Variants in PELO observed in about 807,000 individuals in gnomAD.
The protein encoded by PELO is pelota mRNA surveillance and ribosome rescue factor.
Under a neutral mutation model 25.9 loss-of-function variants are expected in PELO, and 19 were observed. That is an observed-to-expected ratio of 0.73 (90% CI 0.51 to 1.08). The LOEUF is 1.08. PELO is among the 50% of genes least tolerant of loss of function. The pLI is 0.00. For synonymous variants in PELO, 196 were observed against 192.2 expected (o/e 1.02, Z -0.16); for missense variants, 498 against 491.4 (o/e 1.01, Z -0.13).
In PELO at chr5:52,801,663, C is replaced by T. The variant is rs1312606991; in HGVS notation, c.981C>T (p.Ser327=). ...LFRHQDVATR[S]RYVRLVDSVK... is the part of the protein sequence containing the mutation. Reference sequence around the variant, plus strand: ...GGCATCAGGATGTAGCCACACGGAGCCGGTATGTGAGGCTGGTGGACAGTG... The same window carrying T: ...GGCATCAGGATGTAGCCACACGGAGTCGGTATGTGAGGCTGGTGGACAGTG... Residue 327 remains serine (S), a synonymous_variant, in exon 3 of 3, where the codon AGC becomes AGT. Coordinates refer to ENST00000274311, the MANE Select transcript of PELO (RefSeq NM_015946.5). 5.6e-6 allele frequency: 9 copies of T among 1,614,098 alleles called. No individual in the cohort carries two copies. Among genetic ancestry groups the T allele is most frequent in the Non-Finnish European group, 7.6e-6 (9 of 1,180,010 alleles).
intron 1 of PELO, among the ~76,000 whole-genome samples, chr5:52,789,153 T>A (rs1385600391): frequency 6.6e-6 from 1 of 152,170 alleles, no homozygotes; most frequent in Non-Finnish European, 1.5e-5. Flanking sequence ...GCTTGAAATA[T>A]AGCATTTTGT....
intron 1 of PELO, among the ~76,000 whole-genome samples, chr5:52,792,404 G>A (rs1323874066): frequency 2.6e-5 from 4 of 152,166 alleles, no homozygotes; most frequent in African/African-American, 9.7e-5. Context: ...AGGCAGCAAT[G>A]AATTCACGGG....
At position 52,802,220 on chromosome 5, in the gene PELO, A is replaced by G. The variant is rs1162010142; in HGVS notation, c.*380A>G. 6.0e-6 allele frequency: 1 copy of G among 165,542 alleles called. No individual in the cohort carries two copies. The highest frequency in any genetic ancestry group is 5.9e-5 in the Admixed American group (1 of 16,966). 10.3% of individuals were successfully genotyped at this position (165,542 alleles called of 1,614,324 possible). ...GTTTTCCTTAGAAAAAGCTTTTGCTATCTTATCCTGTTTACATTATTTCTT... is the reference window on the plus strand; with the variant it reads ...GTTTTCCTTAGAAAAAGCTTTTGCTGTCTTATCCTGTTTACATTATTTCTT... On this transcript the variant is annotated 3_prime_UTR_variant, in exon 3 of 3. Transcript: ENST00000274311.
Position 52,801,879 on chromosome 5 carries a change from A to T in PELO, c.*39A>T. The stretch of plus-strand genomic sequence containing the variant: ...AAATTGAGACAATCTTGTGTTTCCT[A>T]AACTGTTACAGTACATTTCTCAGCA... On this transcript the variant is annotated 3_prime_UTR_variant, in exon 3 of 3. Transcript: ENST00000274311. The T allele has an allele frequency of 6.9e-7, 1 of 1,445,776 alleles. No homozygotes were observed. The highest frequency in any genetic ancestry group is 1.4e-5 in the African/African-American group (1 of 71,498). 89.6% of individuals were successfully genotyped at this position (1,445,776 alleles called of 1,614,324 possible).
At chr5:52,793,063 T>C (rs1748272615) in intron 1 of PELO, among the ~76,000 whole-genome samples, 1 of 152,106 alleles carries the variant, frequency 6.6e-6, no homozygotes, top group Non-Finnish European at 1.5e-5. Context: ...TCTCAATCCC[T>C]GAATAAACGT....
In PELO at chr5:52,799,923, G is replaced by A; in HGVS notation, c.-472G>A. 5.9e-6 allele frequency: 1 copy of A among 169,086 alleles called. No individual in the cohort carries two copies. The highest frequency in any genetic ancestry group is 1.2e-4 in the South Asian group (1 of 8,054). 10.5% of individuals were successfully genotyped at this position (169,086 alleles called of 1,614,324 possible). On this transcript the variant is annotated 5_prime_UTR_variant, in exon 2 of 3. Transcript: ENST00000274311. ...AGAAAACTTAGGAAGTTGAAGTTTG[G>A]CATTAAAATAAAGGACTCGCCACCA...
rs1390316644 is a variant in PELO, at chr5:52,800,138, T to G, written c.-257T>G. Reference sequence around the variant, plus strand: ...TTGCGTGCTGCCAGCGGGAACTGTGTAGGGGTAGATTTTCGCTGCAGTGTT... The same window carrying G: ...TTGCGTGCTGCCAGCGGGAACTGTGGAGGGGTAGATTTTCGCTGCAGTGTT... On this transcript the variant is annotated 5_prime_UTR_variant, in exon 2 of 3. Coordinates refer to ENST00000274311, the MANE Select transcript of PELO (RefSeq NM_015946.5). 7 of 507,580 alleles carry G rather than the reference T, an allele frequency of 1.4e-5. No individual in the cohort carries two copies. The highest frequency in any genetic ancestry group is 5.3e-4 in the Middle Eastern group (1 of 1,884). The allele number at this position is 507,580 out of a possible 1,614,324, so 31.4% of individuals were successfully genotyped here.
rs750442388 is a variant in PELO, at chr5:52,800,610, C to A, written c.216C>A (p.Ile72=). ...RTTLTLCVEA[I]DFDSQACQLR... ...CCCTCACTCTCTGCGTGGAGGCCAT[C>A]GACTTCGACTCTCAAGCCTGCCAGC... The change falls in exon 2 of 3, where the codon ATC becomes ATA. Residue 72 remains isoleucine, a synonymous_variant. Coordinates refer to ENST00000274311, the MANE Select transcript of PELO (RefSeq NM_015946.5). The A allele has an allele frequency of 3.1e-6, 5 of 1,613,724 alleles. No homozygotes were observed. The South Asian group carries it at 5.5e-5, about 18-fold the overall frequency.
At chr5:52,796,329 A>G (rs1028676747) in intron 1 of PELO, among the ~76,000 whole-genome samples, 2 of 151,886 alleles carry the variant, frequency 1.3e-5, no homozygotes, top group African/African-American at 2.4e-5. Flanking sequence ...CCCCTTCTGG[A>G]GAGATTAATA....
At chr5:52,788,968 G>A in intron 1 of PELO, among the ~76,000 whole-genome samples, 1 of 152,204 alleles carries the variant, frequency 6.6e-6, no homozygotes, top group East Asian at 1.9e-4. Context: ...CACCCAAGAG[G>A]AGGGATATTT....
chr5:52,789,649 G>A (rs1452892306), intron 1 of PELO, among the ~76,000 whole-genome samples: 1 of 152,180 alleles, frequency 6.6e-6, no homozygotes, highest in Non-Finnish European at 1.5e-5. Context: ...ATTATAGCCG[G>A]TGAGTGGTTT....
rs977104308 is a variant in PELO at position 52,799,980 on chromosome 5, T to C, written c.-415T>C. The C allele has an allele frequency of 4.2e-6, 1 of 236,640 alleles. No homozygotes were observed. The highest frequency in any genetic ancestry group is 8.5e-6 in the Non-Finnish European group (1 of 117,800). 14.7% of individuals were successfully genotyped at this position (236,640 alleles called of 1,614,324 possible). A position where few individuals can be genotyped will look rare whatever the true frequency, so the allele number is the denominator to read the frequency against. ...GCACCTTCTTGAGGGAGTTCATTCG[T>C]CCGGAGCGCCTCACAGCTTAGTGCG... On this transcript the variant is annotated 5_prime_UTR_variant, in exon 2 of 3. Coordinates refer to ENST00000274311, the MANE Select transcript of PELO (RefSeq NM_015946.5).
intron 1 of PELO, among the ~76,000 whole-genome samples, chr5:52,789,631 T>C (rs1339678040): frequency 6.6e-6 from 1 of 152,222 alleles, no homozygotes; most frequent in African/African-American, 2.4e-5. Flanking sequence ...TGGTAACTGC[T>C]GAACAGCATT....
rs971203469 is a variant in PELO, at chr5:52,800,866, C to G, written c.472C>G (p.Leu158Val). Reference protein sequence around the residue: ...HICLVTPSMTLTRAKVEVNIP... With the variant: ...HICLVTPSMTVTRAKVEVNIP... ...CTGCTTAGTCACTCCCAGCATGACCCTCACTCGGGCCAAGGTGGAGGTGAA... is the reference window on the plus strand; with the variant it reads ...CTGCTTAGTCACTCCCAGCATGACCGTCACTCGGGCCAAGGTGGAGGTGAA... The change falls in exon 2 of 3, where the codon CTC becomes GTC. Residue 158 changes from leucine (L) to valine (V), a missense_variant. By Grantham distance (32) the Leu-to-Val change is conservative. Transcript: ENST00000274311. 2 of 1,611,038 alleles carry G rather than the reference C, an allele frequency of 1.2e-6. No individual in the cohort carries two copies. Among genetic ancestry groups the G allele is most frequent in the African/African-American group, 2.7e-5 (2 of 75,016 alleles).
In PELO at chr5:52,801,893, C is replaced by A; in HGVS notation, c.*53C>A. On this transcript the variant is annotated 3_prime_UTR_variant, in exon 3 of 3. Transcript: ENST00000274311. ...TTGTGTTTCCTAAACTGTTACAGTA[C>A]ATTTCTCAGCATCCTTGTGACAGAA... 1 of 1,309,614 alleles carries A rather than the reference C, an allele frequency of 7.6e-7. No individual in the cohort carries two copies. Among genetic ancestry groups the A allele is most frequent in the Non-Finnish European group, 1.0e-6 (1 of 958,304 alleles). The allele number at this position is 1,309,614 out of a possible 1,614,324, so 81.1% of individuals were successfully genotyped here. A position where few individuals can be genotyped will look rare whatever the true frequency, so the allele number is the denominator to read the frequency against.
At chr5:52,791,404 G>C (rs1184197391) in intron 1 of PELO, among the ~76,000 whole-genome samples, 15 of 152,150 alleles carry the variant, frequency 9.9e-5, no homozygotes, top group Admixed American at 9.8e-4. Flanking sequence ...GTGGCCATTA[G>C]ACTGGAGTTG....
intron 1 of PELO, among the ~76,000 whole-genome samples, chr5:52,794,662 AC>A (rs1304426242): frequency 1.3e-5 from 2 of 151,386 alleles, no homozygotes; most frequent in Non-Finnish European, 1.5e-5. Context: ...AAAAAAAAAA[AC>A]AAATAAAACA....
At position 52,788,474 on chromosome 5, in the gene PELO, G is replaced by T. The variant is rs1326679670; in HGVS notation, c.-511+60G>T. 17 of 1,356,168 alleles carry T rather than the reference G, an allele frequency of 1.3e-5. No homozygotes were observed. In the East Asian group the frequency reaches 1.5e-4, roughly 12 times the overall value. 84.0% of individuals were successfully genotyped at this position (1,356,168 alleles called of 1,614,324 possible). On this transcript the variant is annotated intron_variant, in intron 1 of 2. Coordinates refer to ENST00000274311, the MANE Select transcript of PELO (RefSeq NM_015946.5). ...TCGCGGGCTTGGGGCTTGGAGCGGG[G>T]AGGGAGGTCCTCAGAGCCATGGGCC...
rs762201666 is a variant in PELO at position 52,801,782 on chromosome 5, G to A, written c.1100G>A (p.Arg367His). 1.2e-6 allele frequency: 2 copies of A among 1,613,938 alleles called. No homozygotes were observed. The highest frequency in any genetic ancestry group is 1.1e-5 in the South Asian group (1 of 91,038). The stretch of plus-strand genomic sequence containing the variant: ...TTGACTGGGGTAGCTGCCATTCTCC[G>A]CTTCCCTGTTCCCGAACTTTCTGAC... ...SQLTGVAAIL[R>H]FPVPELSDQE... Residue 367 changes from arginine (R) to histidine (H), a missense_variant, in exon 3 of 3, where the codon CGC becomes CAC. Arg to His is a conservative substitution (Grantham distance 29). Transcript: ENST00000274311.
Sources: gnomAD v4.1 joint callset for allele counts (sites outside exome capture counted in the v4.1 genomes callset) on GRCh38, gnomAD v4.1.1 for gene constraint, MANE v1.5 for transcripts, NCBI Gene and HGNC (gene_info 2026-07-23, HGNC 2026-07-21) for gene names.